The following NEMP2 variants were observed in gnomAD, a reference collection of about 807,000 sequenced individuals.
The protein encoded by NEMP2 is nuclear envelope integral membrane protein 2.
Under a neutral mutation model 54.2 loss-of-function variants are expected in NEMP2, and 53 were observed. The ratio of observed to expected loss-of-function variants is 0.98; its 90% CI spans 0.78 to 1.23. The LOEUF (loss-of-function observed/expected upper bound fraction) is 1.23, where lower values mean the gene tolerates loss of function less well. Among genes scored for constraint, NEMP2 ranks in the 50% most tolerant of loss-of-function variants. The pLI is 0.00. For synonymous variants in NEMP2, 197 were observed against 190.3 expected (o/e 1.04, Z -0.29); for missense variants, 455 against 511.3 (o/e 0.89, Z 1.06).
the NEMP2 span, among the ~76,000 whole-genome samples, chr2:190,459,801 C>A: frequency 1.3e-5 from 2 of 152,200 alleles, no homozygotes; most frequent in South Asian, 4.1e-4. The surrounding 1 kb of genome is among the most constrained non-coding windows in gnomAD (Gnocchi z 5.3). Context: ...CTAGTAGAGA[C>A]TCAGACCCAA....
chr2:190,435,171 G>T, the NEMP2 span: 2 of 152,188 alleles, frequency 1.3e-5, no homozygotes. Context: ...AAGCCATAAT[G>T]TCAGGGTTCA....
At chr2:190,482,429 T>C in the NEMP2 span, among the ~76,000 whole-genome samples, 17 of 151,882 alleles carry the variant, frequency 1.1e-4, no homozygotes, top group African/African-American at 4.1e-4. Flanking sequence ...CCAGAACTAA[T>C]TGAAATGTAT....
the NEMP2 span, among the ~76,000 whole-genome samples, chr2:190,616,099 C>A: frequency 3.4e-3 from 512 of 152,342 alleles, 2 homozygotes; most frequent in African/African-American, 0.011. The surrounding 1 kb of genome is among the most constrained non-coding windows in gnomAD (Gnocchi z 5.1). Context: ...CGAGTTCCTG[C>A]CACTTCAAGA....
chr2:190,445,861 A>ATT, the NEMP2 span, among the ~76,000 whole-genome samples: 1 of 151,920 alleles, frequency 6.6e-6, no homozygotes, highest in African/African-American at 2.4e-5. Context: ...AAAGAAGGTC[A>ATT]TTTTTTTTCC....
upstream of NEMP2, among the ~76,000 whole-genome samples, chr2:190,539,054 G>A (rs941568455): frequency 1.1e-4 from 17 of 152,050 alleles, no homozygotes; most frequent in Admixed American, 3.3e-4. The surrounding 1 kb of genome is among the most constrained non-coding windows in gnomAD (Gnocchi z 4.1). Context: ...GTCCTGAAAC[G>A]TTTTCTTCTA....
At chr2:190,436,447 T>C in the NEMP2 span, 1 of 1,614,184 alleles carries the variant, frequency 6.2e-7, no homozygotes, top group Non-Finnish European at 8.5e-7. This position sits in a 1 kb window ranked among gnomAD's most constrained non-coding sequence, Gnocchi z 5.3. Context: ...CTTTTCTCTT[T>C]TGTGTTGGGT....
chr2:190,490,434 G>T, the NEMP2 span, among the ~76,000 whole-genome samples: 1 of 151,868 alleles, frequency 6.6e-6, no homozygotes, highest in African/African-American at 2.4e-5. This position sits in a 1 kb window ranked among gnomAD's most constrained non-coding sequence, Gnocchi z 4.5. Context: ...ACGGTGGTGG[G>T]CGCCTGTAAT....
At chr2:190,635,685 A>G in the NEMP2 span, among the ~76,000 whole-genome samples, 1 of 152,142 alleles carries the variant, frequency 6.6e-6, no homozygotes. This position sits in a 1 kb window ranked among gnomAD's most constrained non-coding sequence, Gnocchi z 4.1. Context: ...AATTTTTTCT[A>G]TGCTGCTGTG....
chr2:190,647,659 A>G, the NEMP2 span, among the ~76,000 whole-genome samples: 1 of 152,014 alleles, frequency 6.6e-6, no homozygotes, highest in Non-Finnish European at 1.5e-5. Context: ...TTTAAAAAAC[A>G]GACTTCCAAA....
At chr2:190,450,756 G>A in the NEMP2 span, among the ~76,000 whole-genome samples, 1 of 152,124 alleles carries the variant, frequency 6.6e-6, no homozygotes, top group Non-Finnish European at 1.5e-5. Context: ...GCCTCCGAAA[G>A]TGCTGGGTTT....
the NEMP2 span, among the ~76,000 whole-genome samples, chr2:190,603,154 A>C: frequency 6.6e-6 from 1 of 152,188 alleles, no homozygotes; most frequent in Non-Finnish European, 1.5e-5. Context: ...ATTTAAAATT[A>C]TTTAAATACA....
intron 6 of NEMP2, among the ~76,000 whole-genome samples, chr2:190,516,014 T>C (rs1027183633): frequency 6.6e-6 from 1 of 151,974 alleles, no homozygotes; most frequent in African/African-American, 2.4e-5. Flanking sequence ...GGACAAACAC[T>C]TTTTTTTCCT....
the NEMP2 span, among the ~76,000 whole-genome samples, chr2:190,454,984 GTATATGTA>G: frequency 1.2e-5 from 1 of 86,290 alleles, no homozygotes; most frequent in Non-Finnish European, 3.3e-5. The surrounding 1 kb of genome is among the most constrained non-coding windows in gnomAD (Gnocchi z 4.6). Flanking sequence ...ATATGTATAT[GTATATGTA>G]TATGTATAAT....
the NEMP2 span, among the ~76,000 whole-genome samples, chr2:190,597,339 G>T: frequency 6.6e-6 from 1 of 151,360 alleles, no homozygotes; most frequent in Non-Finnish European, 1.5e-5. This position sits in a 1 kb window ranked among gnomAD's most constrained non-coding sequence, Gnocchi z 4.7. Context: ...AGATAAAGGG[G>T]AGAAAAAAAA....
In NEMP2 at chr2:190,528,392, G is replaced by A. The variant is rs1032235232; in HGVS notation, c.98-3014C>T. The stretch of plus-strand genomic sequence containing the variant: ...GTTCTGCCTTTGCACAGCCTCCTCG[G>A]GGGGGTCTCTAAGCATGGCTAGAGT... On this transcript the variant is annotated intron_variant, in intron 1 of 8. Coordinates refer to ENST00000409150, the MANE Select transcript of NEMP2 (RefSeq NM_001142645.2). The surrounding 1 kb of genome is among the most constrained non-coding windows in gnomAD (Gnocchi z 4.3). Among the ~76,000 whole-genome samples the A allele has an allele frequency of 1.3e-5, 2 of 152,112 alleles. No individual in the cohort carries two copies. The highest frequency in any genetic ancestry group is 1.3e-4 in the Admixed American group (2 of 15,276).
the NEMP2 span, chr2:190,608,851 T>C: frequency 6.6e-6 from 1 of 152,214 alleles, no homozygotes; most frequent in East Asian, 1.9e-4. This position sits in a 1 kb window ranked among gnomAD's most constrained non-coding sequence, Gnocchi z 4.9. Context: ...GTTATTATTG[T>C]TAATCTGTTA....
Position 190,510,836 on chromosome 2 carries a change from G to A in NEMP2, c.954-299C>T, listed in dbSNP as rs540414932. Among the ~76,000 whole-genome samples, 21 of 150,268 alleles carry A rather than the reference G, an allele frequency of 1.4e-4. No individual in the cohort carries two copies. The highest frequency in any genetic ancestry group is 4.2e-4 in the South Asian group (2 of 4,740). Reference sequence around the variant, plus strand: ...GCAGAGGTTGCAGTAAGCCGAGATCGCGCCACTGCACTCCAGCCTGGGCGA... The same window carrying A: ...GCAGAGGTTGCAGTAAGCCGAGATCACGCCACTGCACTCCAGCCTGGGCGA... On this transcript the variant is annotated intron_variant, in intron 7 of 8. Coordinates refer to ENST00000409150, the MANE Select transcript of NEMP2 (RefSeq NM_001142645.2). This position sits in a 1 kb window ranked among gnomAD's most constrained non-coding sequence, Gnocchi z 5.7.
rs1260294783 is a variant in NEMP2 at position 190,519,209 on chromosome 2, A to T, written c.214-26T>A. The T allele has an allele frequency of 4.2e-6, 6 of 1,436,574 alleles. No homozygotes were observed. The highest frequency in any genetic ancestry group is 5.7e-6 in the Non-Finnish European group (6 of 1,052,652). 89.0% of individuals were successfully genotyped at this position (1,436,574 alleles called of 1,614,324 possible). A position where few individuals can be genotyped will look rare whatever the true frequency, so the allele number is the denominator to read the frequency against. On this transcript the variant is annotated intron_variant, in intron 2 of 8. Transcript: ENST00000409150. This position sits in a 1 kb window ranked among gnomAD's most constrained non-coding sequence, Gnocchi z 5.4. ...CTGTAAAACAAGAACAAGCAAATCC[A>T]TAAACAGAATAACTTCTCTTTTTTG... is the stretch of plus-strand genomic sequence containing the variant.
At chr2:190,439,202 G>A in the NEMP2 span, among the ~76,000 whole-genome samples, 3 of 151,880 alleles carry the variant, frequency 2.0e-5, no homozygotes, top group Non-Finnish European at 4.4e-5. The surrounding 1 kb of genome is among the most constrained non-coding windows in gnomAD (Gnocchi z 5.8). Context: ...AGTTAATAAT[G>A]TCTTTAAAAT....
Sources: gnomAD v4.1 joint callset for allele counts (sites outside exome capture counted in the v4.1 genomes callset) on GRCh38, gnomAD v4.1.1 for gene constraint, Gnocchi (gnomAD v3.1) non-coding constraint, MANE v1.5 for transcripts, NCBI Gene and HGNC (gene_info 2026-07-23, HGNC 2026-07-21) for gene names.